The following GRM3 variants were observed in gnomAD, a reference collection of about 807,000 sequenced individuals.
GRM3 encodes the protein metabotropic glutamate receptor 3.
In GRM3, 26 loss-of-function variants were observed where a neutral mutation model predicts 70.5. The ratio of observed to expected loss-of-function variants is 0.37; its 90% CI spans 0.27 to 0.51. GRM3 has a LOEUF of 0.51. Ranked by LOEUF, GRM3 falls within the 20% of genes least tolerant of loss-of-function variation. The pLI is 0.93. For missense variants in GRM3, 859 were observed against 1,123.8 expected, an observed-to-expected ratio of 0.76 and a Z score of 3.37; for synonymous variants, 443 against 434.9, an observed-to-expected ratio of 1.02 and a Z score of -0.23.
At chr7:86,792,753 A>G (rs370325080) in intron 3 of GRM3, among the ~76,000 whole-genome samples, 7 of 152,176 alleles carry the variant, frequency 4.6e-5, no homozygotes, top group Admixed American at 1.3e-4. Context: ...CATGATTATT[A>G]TGGCTTACAA....
At chr7:86,694,012 C>G (rs2116046231) in intron 1 of GRM3, among the ~76,000 whole-genome samples, 1 of 152,328 alleles carries the variant, frequency 6.6e-6, no homozygotes, top group East Asian at 1.9e-4. Context: ...CACTTCCACA[C>G]TATTAATTCC....
At chr7:86,835,379 A>G (rs1798436156) in intron 3 of GRM3, among the ~76,000 whole-genome samples, 2 of 152,168 alleles carry the variant, frequency 1.3e-5, no homozygotes, top group Non-Finnish European at 2.9e-5. Flanking sequence ...ATAAAAAGGA[A>G]AGCCATAAAA....
intron 1 of GRM3, among the ~76,000 whole-genome samples, chr7:86,758,586 T>C (rs1304736616): frequency 1.3e-5 from 2 of 152,122 alleles, no homozygotes; most frequent in Non-Finnish European, 2.9e-5. Flanking sequence ...AGGTTTACTT[T>C]GAAGGGAAGC....
At chr7:86,740,454 G>T (rs1057335758) in intron 1 of GRM3, among the ~76,000 whole-genome samples, 1 of 152,046 alleles carries the variant, frequency 6.6e-6, no homozygotes, top group African/African-American at 2.4e-5. Context: ...AAAAACAACT[G>T]TTTGACAAAA....
At chr7:86,676,226 A>G (rs970856313) in intron 1 of GRM3, among the ~76,000 whole-genome samples, 4 of 152,004 alleles carry the variant, frequency 2.6e-5, no homozygotes, top group African/African-American at 7.2e-5. Flanking sequence ...GCTTCTGGCA[A>G]GAGATGAAGT....
At chr7:86,845,025 G>A (rs1306852917) in intron 4 of GRM3, among the ~76,000 whole-genome samples, 1 of 152,086 alleles carries the variant, frequency 6.6e-6, no homozygotes, top group Non-Finnish European at 1.5e-5. Context: ...AAATATCTGG[G>A]ATTACAGGCA....
chr7:86,755,305 GA>G (rs1246976018), intron 1 of GRM3, among the ~76,000 whole-genome samples: 3 of 152,106 alleles, frequency 2.0e-5, no homozygotes, highest in Non-Finnish European at 4.4e-5. Flanking sequence ...CCCAAATGTT[GA>G]AATTTTATTC....
chr7:86,851,746 T>G (rs1045740072), intron 5 of GRM3, among the ~76,000 whole-genome samples: 4 of 152,130 alleles, frequency 2.6e-5, no homozygotes, highest in Non-Finnish European at 1.5e-5. Flanking sequence ...TCTTTCCAGC[T>G]AAACTCCAAC....
chr7:86,655,560 C>T (rs1461838286), intron 1 of GRM3, among the ~76,000 whole-genome samples: 1 of 151,928 alleles, frequency 6.6e-6, no homozygotes, highest in Admixed American at 6.6e-5. Context: ...ATGCCTAGAC[C>T]AATACAATAA....
chr7:86,737,271 C>T (rs1795884819), intron 1 of GRM3, among the ~76,000 whole-genome samples: 1 of 152,234 alleles, frequency 6.6e-6, no homozygotes, highest in African/African-American at 2.4e-5. Context: ...TTGCACTTCA[C>T]ATGCACTATC....
At chr7:86,686,535 G>C (rs1347288031) in intron 1 of GRM3, among the ~76,000 whole-genome samples, 1 of 152,118 alleles carries the variant, frequency 6.6e-6, no homozygotes, top group Non-Finnish European at 1.5e-5. Context: ...ACAAAGGTTT[G>C]GTAAAAACTT....
intron 1 of GRM3, among the ~76,000 whole-genome samples, chr7:86,675,220 T>C (rs1794276476): frequency 6.6e-6 from 1 of 152,132 alleles, no homozygotes; most frequent in Non-Finnish European, 1.5e-5. Flanking sequence ...CAAGGTGGTC[T>C]GACAGTTGCT....
intron 3 of GRM3, among the ~76,000 whole-genome samples, chr7:86,792,195 A>G (rs1451341186): frequency 6.6e-6 from 1 of 152,228 alleles, no homozygotes; most frequent in Non-Finnish European, 1.5e-5. Flanking sequence ...AGAAAGTCGA[A>G]TAGAATAAAA....
chr7:86,748,397 T>C (rs891228595), intron 1 of GRM3, among the ~76,000 whole-genome samples: 1 of 151,938 alleles, frequency 6.6e-6, no homozygotes, highest in Non-Finnish European at 1.5e-5. Context: ...AAGAAAAATA[T>C]ATATTGGAAG....
At chr7:86,814,270 C>T (rs1314703272) in intron 3 of GRM3, among the ~76,000 whole-genome samples, 6 of 151,708 alleles carry the variant, frequency 4.0e-5, no homozygotes, top group South Asian at 2.1e-4. Context: ...ATTGGGGTAC[C>T]GGTGGTATTT....
chr7:86,817,653 G>T (rs1584262330), intron 3 of GRM3, among the ~76,000 whole-genome samples: 2 of 151,934 alleles, frequency 1.3e-5, no homozygotes, highest in Admixed American at 6.6e-5. Flanking sequence ...TCTGAGGCTT[G>T]TCAAGTCTCA....
chr7:86,771,321 G>A (rs541016610), intron 2 of GRM3, among the ~76,000 whole-genome samples: 2 of 152,188 alleles, frequency 1.3e-5, no homozygotes, highest in South Asian at 4.1e-4. Flanking sequence ...TTAAAATATG[G>A]AGCAGAAAGT....
chr7:86,782,326 G>A (rs999635478), intron 2 of GRM3, among the ~76,000 whole-genome samples: 1 of 118,842 alleles, frequency 8.4e-6, no homozygotes, highest in Non-Finnish European at 1.6e-5. Context: ...TGATTATGGG[G>A]TGGTTTTTTT....
intron 2 of GRM3, among the ~76,000 whole-genome samples, chr7:86,778,296 T>C (rs921764235): frequency 2.0e-5 from 3 of 152,210 alleles, no homozygotes; most frequent in Non-Finnish European, 2.9e-5. Context: ...ATAAAACTAT[T>C]TATTATTGTT....
Sources: allele counts gnomAD v4.1 joint callset (sites outside exome capture counted in the v4.1 genomes callset), GRCh38; gene constraint gnomAD v4.1.1; transcripts MANE v1.5; gene names NCBI Gene and HGNC (gene_info 2026-07-23, HGNC 2026-07-21).